Variants in FGF14 observed in about 807,000 individuals in gnomAD.
FGF14 encodes fibroblast growth factor 14, also known as fibroblast growth factor homologous factor 4.
In FGF14, 5 loss-of-function variants were observed where a neutral mutation model predicts 25.5. That is an observed-to-expected ratio of 0.20 (90% confidence interval 0.10 to 0.41). The LOEUF (loss-of-function observed/expected upper bound fraction) is 0.41. Among genes scored for constraint, FGF14 ranks in the 10% least tolerant of loss-of-function variants. The pLI is 1.00. For synonymous variants in FGF14, 138 were observed against 118.3 expected, an observed-to-expected ratio of 1.17 and a Z score of -1.08; for missense variants, 222 against 320.1, an observed-to-expected ratio of 0.69 and a Z score of 2.34.
chr13:101,868,845 T>G lies in FGF14; in HGVS notation c.305-17A>C. On this transcript the variant is annotated splice_polypyrimidine_tract_variant and intron_variant, in intron 2 of 4. Transcript: ENST00000376143. ...TGAAGAGTGCTGTGAAGATAAACATTGTCTATCATGAATGGGCAGGAAGAA... is the reference window on the plus strand; with the variant it reads ...TGAAGAGTGCTGTGAAGATAAACATGGTCTATCATGAATGGGCAGGAAGAA... The G allele has an allele frequency of 6.5e-7, 1 of 1,549,970 alleles. No individual in the cohort carries two copies. Among genetic ancestry groups the G allele is most frequent in the Non-Finnish European group, 8.9e-7 (1 of 1,121,658 alleles).
intron 1 of FGF14, chr13:102,003,148 G>C (rs1221440968): frequency 1.3e-5 from 2 of 152,092 alleles, no homozygotes; most frequent in Non-Finnish European, 2.9e-5. Flanking sequence ...CCTAAGCTTT[G>C]GTTATCACTG....
rs180837640 is a variant in FGF14, at chr13:102,108,167, C to T, written c.209-232871G>A. On this transcript the variant is annotated intron_variant, in intron 1 of 4. Coordinates refer to the FGF14 transcript ENST00000376131. ...CATCTTTGAAAATGATCAAAATTATCTTTGTGCTCTAGATTAATTTTTGAT... is the reference window on the plus strand; with the variant it reads ...CATCTTTGAAAATGATCAAAATTATTTTTGTGCTCTAGATTAATTTTTGAT... 3.2e-3 allele frequency among the ~76,000 whole-genome samples: 488 copies of T among 152,090 alleles called. 1 individual carries two copies. The highest frequency in any genetic ancestry group is 0.014 in the Middle Eastern group (4 of 294).
At chr13:102,152,926 C>T (rs1052646021) in intron 1 of FGF14, among the ~76,000 whole-genome samples, 1 of 152,120 alleles carries the variant, frequency 6.6e-6, no homozygotes, top group Non-Finnish European at 1.5e-5. Context: ...TGGGAAACCA[C>T]TTTTTGACTT....
intron 1 of FGF14, among the ~76,000 whole-genome samples, chr13:101,912,744 G>A (rs1490447668): frequency 6.6e-6 from 1 of 151,962 alleles, no homozygotes; most frequent in Admixed American, 6.6e-5. Context: ...TTTATTTAGG[G>A]AAAGTAAAAA....
intron 3 of FGF14, among the ~76,000 whole-genome samples, chr13:101,831,591 C>T (rs370146148): frequency 6.6e-6 from 1 of 152,078 alleles, no homozygotes; most frequent in African/African-American, 2.4e-5. Flanking sequence ...GTGAATTTCC[C>T]CAGGAGAGAC....
At chr13:101,972,935 T>C (rs147649098) in intron 1 of FGF14, among the ~76,000 whole-genome samples, 1 of 152,290 alleles carries the variant, frequency 6.6e-6, no homozygotes, top group East Asian at 1.9e-4. Context: ...TGGAAAGAGA[T>C]AAGCTTGATG....
intron 2 of FGF14, among the ~76,000 whole-genome samples, chr13:101,870,884 T>A (rs1471424157): frequency 1.3e-5 from 2 of 151,890 alleles, no homozygotes; most frequent in Non-Finnish European, 2.9e-5. Context: ...ACCTGGGAGG[T>A]GAAGGTTGCA....
chr13:102,125,792 C>G (rs1306734499), intron 1 of FGF14, among the ~76,000 whole-genome samples: 1 of 152,132 alleles, frequency 6.6e-6, no homozygotes, highest in Non-Finnish European at 1.5e-5. Context: ...GTAAAACACA[C>G]AACCATTATT....
At chr13:101,879,432 G>T (rs1220529578) in intron 1 of FGF14, among the ~76,000 whole-genome samples, 1 of 152,160 alleles carries the variant, frequency 6.6e-6, no homozygotes. Flanking sequence ...ACTGCCTTCA[G>T]ATTCAGGGGA....
chr13:102,274,522 G>A (rs1369646332), intron 1 of FGF14, among the ~76,000 whole-genome samples: 2 of 152,130 alleles, frequency 1.3e-5, no homozygotes, highest in East Asian at 1.9e-4. Context: ...GCTGTGTCCA[G>A]CAAAATGCAG....
chr13:102,151,278 T>G (rs2047072294), intron 1 of FGF14, among the ~76,000 whole-genome samples: 1 of 152,136 alleles, frequency 6.6e-6, no homozygotes, highest in Admixed American at 6.5e-5. Flanking sequence ...GTAGCAGCTG[T>G]GTGCCATGTT....
chr13:102,259,399 CAG>C (rs1313415814), intron 1 of FGF14, among the ~76,000 whole-genome samples: 17 of 152,190 alleles, frequency 1.1e-4, no homozygotes, highest in African/African-American at 4.1e-4. Flanking sequence ...TTTTTTGAAA[CAG>C]AGTCTCATTC....
chr13:101,987,647 TG>T (rs1416563767), intron 1 of FGF14, among the ~76,000 whole-genome samples: 9 of 152,294 alleles, frequency 5.9e-5, no homozygotes, highest in Admixed American at 6.5e-5. Context: ...TAATTTCATT[TG>T]CTTTTGTTTT....
chr13:101,879,055 G>T (rs2045557855), intron 1 of FGF14, among the ~76,000 whole-genome samples: 1 of 152,080 alleles, frequency 6.6e-6, no homozygotes, highest in African/African-American at 2.4e-5. Context: ...CTATATTTTA[G>T]CTAGCCATGC....
chr13:102,208,738 G>T (rs1036402669), intron 1 of FGF14, among the ~76,000 whole-genome samples: 1 of 152,090 alleles, frequency 6.6e-6, no homozygotes, highest in Non-Finnish European at 1.5e-5. Context: ...AATGAAAGGA[G>T]ATCATCCAAG....
At chr13:101,794,132 G>C (rs1217903105) in intron 3 of FGF14, among the ~76,000 whole-genome samples, 1 of 151,858 alleles carries the variant, frequency 6.6e-6, no homozygotes, top group South Asian at 2.1e-4. Flanking sequence ...TGCTTTATCT[G>C]TTTTTACTTT....
intron 1 of FGF14, among the ~76,000 whole-genome samples, chr13:102,172,675 T>A (rs747281088): frequency 1.3e-5 from 2 of 152,180 alleles, no homozygotes; most frequent in Non-Finnish European, 2.9e-5. Context: ...ACTCTCTTCA[T>A]ACCTCGTTCA....
chr13:102,380,940 G>T (rs1407617258), intron 1 of FGF14, among the ~76,000 whole-genome samples: 1 of 152,046 alleles, frequency 6.6e-6, no homozygotes, highest in African/African-American at 2.4e-5. Flanking sequence ...TGAAAATACT[G>T]TAAGTCAAAA....
intron 1 of FGF14, among the ~76,000 whole-genome samples, chr13:101,943,822 A>T (rs2390628): frequency 0.037 from 4,537 of 122,258 alleles, 108 homozygotes; most frequent in East Asian, 0.093. Flanking sequence ...TAAAAAAAAA[A>T]AAAAATATAT....
Sources: gnomAD v4.1 joint callset for allele counts (sites outside exome capture counted in the v4.1 genomes callset) on GRCh38, gnomAD v4.1.1 for gene constraint, MANE v1.5 for transcripts, NCBI Gene and HGNC (gene_info 2026-07-23, HGNC 2026-07-21) for gene names.